Variants in FHIT observed in about 807,000 individuals in gnomAD.
FHIT encodes the protein bis(5'-adenosyl)-triphosphatase.
Under a neutral mutation model 17.9 loss-of-function variants are expected in FHIT, and 19 were observed. The ratio of observed to expected loss-of-function variants is 1.06; its 90% CI spans 0.74 to 1.56. The LOEUF is 1.56. Ranked by LOEUF, FHIT falls within the 40% of genes most tolerant of loss-of-function variation. FHIT has a pLI of 0.00. For missense variants in FHIT, 248 were observed against 189.2 expected (o/e 1.31, Z -1.82); for synonymous variants, 81 against 69.7 (o/e 1.16, Z -0.81).
At chr3:60,375,444 G>A (rs1700513114) in intron 5 of FHIT, among the ~76,000 whole-genome samples, 1 of 151,530 alleles carries the variant, frequency 6.6e-6, no homozygotes, top group African/African-American at 2.4e-5. Flanking sequence ...ATGTGGTGGT[G>A]TACACCAGTA....
chr3:60,104,206 G>C (rs898126436), intron 5 of FHIT, among the ~76,000 whole-genome samples: 1 of 152,164 alleles, frequency 6.6e-6, no homozygotes. Flanking sequence ...TCCTTTAGTT[G>C]TTACCCCTGA....
intron 5 of FHIT, among the ~76,000 whole-genome samples, chr3:60,356,756 A>AG (rs1237683856): frequency 4.9e-4 from 28 of 56,638 alleles, no homozygotes; most frequent in East Asian, 1.8e-3. Context: ...ACAGAGACAA[A>AG]AAAAAAAAAA....
intron 4 of FHIT, among the ~76,000 whole-genome samples, chr3:60,547,415 A>ACT (rs1217321053): frequency 6.6e-6 from 1 of 151,958 alleles, no homozygotes; most frequent in Non-Finnish European, 1.5e-5. Flanking sequence ...ATTGAACCCT[A>ACT]CTCTCTCTTT....
rs181990784 is a variant in FHIT at position 60,244,001 on chromosome 3, C to G, written c.104-229849G>C. ...GGTTTGTATAGCTGAAAAACTCAGACAGGTCTTACACCATTCTCCTTTACT... is the reference window on the plus strand; with the variant it reads ...GGTTTGTATAGCTGAAAAACTCAGAGAGGTCTTACACCATTCTCCTTTACT... On this transcript the variant is annotated intron_variant, in intron 5 of 9. Coordinates refer to ENST00000492590, the MANE Select transcript of FHIT (RefSeq NM_002012.4). Among the ~76,000 whole-genome samples the G allele has an allele frequency of 5.3e-5, 8 of 152,124 alleles. No homozygotes were observed. The East Asian group carries it at 1.2e-3, about 22-fold the overall frequency.
At chr3:60,028,785 T>C (rs1041974900) in intron 5 of FHIT, among the ~76,000 whole-genome samples, 4 of 152,146 alleles carry the variant, frequency 2.6e-5, no homozygotes, top group Non-Finnish European at 4.4e-5. Context: ...GACAAACTTA[T>C]TAACATAAAT....
intron 8 of FHIT, among the ~76,000 whole-genome samples, chr3:59,857,883 A>C (rs1004870979): frequency 6.6e-6 from 1 of 152,140 alleles, no homozygotes; most frequent in South Asian, 2.1e-4. Context: ...TGGTGAAAGA[A>C]GGTAGTGAAC....
intron 8 of FHIT, among the ~76,000 whole-genome samples, chr3:59,908,367 A>C (rs1704683420): frequency 6.6e-6 from 1 of 152,228 alleles, no homozygotes; most frequent in South Asian, 2.1e-4. Context: ...AGAACAGACA[A>C]GTTTTTTTTG....
chr3:60,040,356 G>A (rs1383215323), intron 5 of FHIT, among the ~76,000 whole-genome samples: 3 of 152,058 alleles, frequency 2.0e-5, no homozygotes, highest in Non-Finnish European at 4.4e-5. Flanking sequence ...ATGTTGGTCA[G>A]GATGGTCTCG....
At chr3:60,721,888 C>G (rs539010370) in intron 4 of FHIT, among the ~76,000 whole-genome samples, 2 of 152,160 alleles carry the variant, frequency 1.3e-5, no homozygotes, top group East Asian at 3.9e-4. Context: ...AATAGTACAT[C>G]TGGAATCAGC....
chr3:61,026,640 T>A (rs982139412), intron 3 of FHIT, among the ~76,000 whole-genome samples: 1 of 146,052 alleles, frequency 6.8e-6, no homozygotes, highest in African/African-American at 2.7e-5. Context: ...CTTAAAACAT[T>A]ATGAGACCTT....
intron 5 of FHIT, among the ~76,000 whole-genome samples, chr3:60,090,614 C>A (rs1259462450): frequency 6.6e-6 from 1 of 152,142 alleles, no homozygotes; most frequent in Non-Finnish European, 1.5e-5. Flanking sequence ...TTAGAATGAC[C>A]AACGAAGTGA....
Position 60,354,185 on chromosome 3 carries a change from T to C in FHIT, c.103+182675A>G, listed in dbSNP as rs114322413. ...AATGAAAAATGGCACCAAAATTGTT[T>C]AAAATACAATTATTTTATTTTTAAA... is the stretch of plus-strand genomic sequence containing the variant. On this transcript the variant is annotated intron_variant, in intron 5 of 9. Transcript: ENST00000492590. Among the ~76,000 whole-genome samples, 1,363 of 152,058 alleles carry C rather than the reference T, an allele frequency of 9.0e-3. 21 individuals carry two copies. Among genetic ancestry groups the C allele is most frequent in the African/African-American group, 0.031 (1,294 of 41,336 alleles).
intron 4 of FHIT, among the ~76,000 whole-genome samples, chr3:60,797,214 G>A (rs1553730669): frequency 1.3e-5 from 2 of 152,090 alleles, no homozygotes; most frequent in African/African-American, 4.8e-5. Flanking sequence ...TGTGCCAAAT[G>A]ATGTAATTGC....
At chr3:60,912,709 C>T (rs1706808272) in intron 3 of FHIT, 2 of 508,880 alleles carry the variant, frequency 3.9e-6, no homozygotes, top group Admixed American at 4.0e-5. Flanking sequence ...ATGTAACAAG[C>T]TTTACTAACT....
chr3:61,104,105 C>T (rs1319750490), intron 2 of FHIT, among the ~76,000 whole-genome samples: 6 of 152,082 alleles, frequency 3.9e-5, no homozygotes, highest in African/African-American at 7.2e-5. Context: ...TTGATCCTGT[C>T]ATCATGATGT....
chr3:60,013,303 A>G (rs1306974409), intron 6 of FHIT, among the ~76,000 whole-genome samples: 1 of 152,190 alleles, frequency 6.6e-6, no homozygotes, highest in African/African-American at 2.4e-5. Context: ...CTAAAGGGCA[A>G]TTACAGAGTC....
chr3:60,772,788 T>C (rs1469235902), intron 4 of FHIT, among the ~76,000 whole-genome samples: 1 of 152,148 alleles, frequency 6.6e-6, no homozygotes, highest in Non-Finnish European at 1.5e-5. Context: ...GATTGGCCTT[T>C]TGAGATACTG....
chr3:59,917,762 G>A (rs1705202993), intron 8 of FHIT, among the ~76,000 whole-genome samples: 1 of 152,146 alleles, frequency 6.6e-6, no homozygotes, highest in African/African-American at 2.4e-5. Context: ...ACATACTGCT[G>A]GAGGAACAGA....
chr3:60,656,382 A>T (rs1267424943), intron 4 of FHIT, among the ~76,000 whole-genome samples: 2 of 152,116 alleles, frequency 1.3e-5, no homozygotes, highest in East Asian at 3.9e-4. Context: ...GAACTCTATT[A>T]CTGGGGGCAA....
Sources: gnomAD v4.1 joint callset for allele counts (sites outside exome capture counted in the v4.1 genomes callset) on GRCh38, gnomAD v4.1.1 for gene constraint, MANE v1.5 for transcripts, NCBI Gene and HGNC (gene_info 2026-07-23, HGNC 2026-07-21) for gene names.